The following SND1 variants were observed in gnomAD, a reference collection of about 807,000 sequenced individuals.
SND1 encodes staphylococcal nuclease and tudor domain containing 1, also known as staphylococcal nuclease domain-containing protein 1.
A neutral mutation model predicts 121.7 loss-of-function variants in SND1; 38 were observed. That is an observed-to-expected ratio of 0.31 (90% CI 0.24 to 0.41). The LOEUF is 0.41. SND1 is among the 10% of genes least tolerant of loss of function. The pLI, the probability that SND1 is intolerant of heterozygous loss-of-function variation, is 1.00. For synonymous variants in SND1, 401 were observed against 447.4 expected (o/e 0.90, Z 1.31); for missense variants, 868 against 1,184.6 (o/e 0.73, Z 3.92).
intron 16 of SND1, among the ~76,000 whole-genome samples, chr7:128,054,264 C>T (rs1009169734): frequency 7.9e-5 from 12 of 152,222 alleles, no homozygotes; most frequent in African/African-American, 1.7e-4. Context: ...CATCTCACCT[C>T]CTAAGGCAAA....
rs149627693 is a variant in SND1, at chr7:127,800,217, T to G, written c.1153-7267T>G. On this transcript the variant is annotated intron_variant, in intron 10 of 23. Coordinates refer to ENST00000354725, the MANE Select transcript of SND1 (RefSeq NM_014390.4). ...GGCAGGGCAACTGGGACTGGTCCAT[T>G]ATTTACTGTTTGAAATCTTACCCAT... Among the ~76,000 whole-genome samples, 48 of 152,362 alleles carry G rather than the reference T, an allele frequency of 3.2e-4. No homozygotes were observed. The East Asian group carries it at 8.7e-3, about 28-fold the overall frequency.
intron 15 of SND1, among the ~76,000 whole-genome samples, chr7:127,934,609 A>G (rs1017681817): frequency 2.6e-5 from 4 of 151,760 alleles, no homozygotes; most frequent in African/African-American, 4.8e-5. Context: ...TTTGGTCAGG[A>G]GTGGGGGGTG....
chr7:127,998,571 T>C (rs1361541470), intron 16 of SND1: 3 of 153,898 alleles, frequency 1.9e-5, no homozygotes, highest in Non-Finnish European at 4.3e-5. Flanking sequence ...AATTCCTGTT[T>C]GGAGACGGGC....
At chr7:128,073,394 G>T (rs1040277733) in intron 16 of SND1, among the ~76,000 whole-genome samples, 1 of 152,162 alleles carries the variant, frequency 6.6e-6, no homozygotes, top group Non-Finnish European at 1.5e-5. Flanking sequence ...GACGCAGAGG[G>T]TATTCAAGGA....
intron 12 of SND1, among the ~76,000 whole-genome samples, chr7:127,864,490 A>G (rs924576885): frequency 6.6e-6 from 1 of 151,876 alleles, no homozygotes; most frequent in Non-Finnish European, 1.5e-5. Flanking sequence ...TGATTCTCAT[A>G]TTTTGTTCAA....
At chr7:127,718,678 CAT>C (rs1199514100) in intron 9 of SND1, 1 of 985,220 alleles carries the variant, frequency 1.0e-6, no homozygotes, top group African/African-American at 1.7e-5. Context: ...TTGCTGCTAA[CAT>C]ATTACAAGGG....
chr7:127,741,587 G>GT (rs2116435353), intron 10 of SND1, among the ~76,000 whole-genome samples: 2 of 152,248 alleles, frequency 1.3e-5, no homozygotes, highest in African/African-American at 4.8e-5. Flanking sequence ...CTGTTGCTTG[G>GT]TGAGGTGCTT....
intron 16 of SND1, among the ~76,000 whole-genome samples, chr7:128,001,521 G>C (rs1341169940): frequency 6.6e-6 from 1 of 152,186 alleles, no homozygotes; most frequent in Non-Finnish European, 1.5e-5. Flanking sequence ...ATGTAAGGAG[G>C]GTACCTTCTC....
intron 15 of SND1, among the ~76,000 whole-genome samples, chr7:127,985,284 A>T (rs1434349958): frequency 6.6e-6 from 1 of 152,168 alleles, no homozygotes; most frequent in Non-Finnish European, 1.5e-5. Context: ...TCCTAGCCAT[A>T]CATGCACTTC....
intron 11 of SND1, among the ~76,000 whole-genome samples, chr7:127,842,111 G>A (rs1798976112): frequency 6.6e-6 from 1 of 152,158 alleles, no homozygotes; most frequent in Admixed American, 6.5e-5. Flanking sequence ...AGTTTTTGAA[G>A]AGAAGACAGT....
intron 10 of SND1, among the ~76,000 whole-genome samples, chr7:127,752,246 G>A (rs1587640483): frequency 6.6e-6 from 1 of 152,156 alleles, no homozygotes; most frequent in South Asian, 2.1e-4. Context: ...GGTGTCTTGT[G>A]GTTTCAAAAA....
intron 16 of SND1, among the ~76,000 whole-genome samples, chr7:128,024,361 A>G (rs1199333694): frequency 6.6e-6 from 1 of 152,152 alleles, no homozygotes; most frequent in Admixed American, 6.5e-5. Flanking sequence ...GAGGAGATAA[A>G]ATCAGACATA....
rs896276001 is a variant in SND1, at chr7:127,979,597, G to A, written c.1670-11350G>A. Among the ~76,000 whole-genome samples, 15 of 152,282 alleles carry A rather than the reference G, an allele frequency of 9.9e-5. No homozygotes were observed. In the East Asian group the frequency reaches 2.1e-3, roughly 22 times the overall value. On this transcript the variant is annotated intron_variant, in intron 15 of 23. Transcript: ENST00000354725. ...GATCAGAGCAGGTGATAGAGGCTAG[G>A]AGGGGGTTGTTTACTGAAACTAGGG...
chr7:127,921,068 G>A (rs1477659391), intron 14 of SND1, among the ~76,000 whole-genome samples: 1 of 152,176 alleles, frequency 6.6e-6, no homozygotes, highest in Non-Finnish European at 1.5e-5. Context: ...TATAGAATTT[G>A]TATTTGATTG....
chr7:127,751,616 A>T (rs1404177010), intron 10 of SND1, among the ~76,000 whole-genome samples: 1 of 152,232 alleles, frequency 6.6e-6, no homozygotes, highest in Non-Finnish European at 1.5e-5. Context: ...TTCTAGAGAG[A>T]CAGGCCTCAG....
In SND1 at chr7:127,707,452, A is replaced by T. The variant is rs571938593; in HGVS notation, c.948-105A>T. The stretch of plus-strand genomic sequence containing the variant: ...TTGACTGGTAGTCTTTCTTCTGGAT[A>T]CATCTATAGGGTAGAGTAGGATGCT... On this transcript the variant is annotated intron_variant, in intron 8 of 23. Transcript: ENST00000354725. 3.9e-6 allele frequency: 3 copies of T among 764,182 alleles called. No individual in the cohort carries two copies. The African/African-American group carries it at 5.2e-5, about 13-fold the overall frequency. The allele number at this position is 764,182 out of a possible 1,614,324, so 47.3% of individuals were successfully genotyped here.
At position 127,838,174 on chromosome 7, in the gene SND1, A is replaced by G. The variant is rs145508260; in HGVS notation, c.1243-6150A>G. Among the ~76,000 whole-genome samples, 95 of 152,286 alleles carry G rather than the reference A, an allele frequency of 6.2e-4. 2 individuals are homozygous for G. In the East Asian group the frequency reaches 0.016, roughly 25 times the overall value. ...CAGGTGACCAGGGGTGACTCAAAGGACGGAGCAGGTGACCAGGGGAACAGA... is the reference window on the plus strand; with the variant it reads ...CAGGTGACCAGGGGTGACTCAAAGGGCGGAGCAGGTGACCAGGGGAACAGA... On this transcript the variant is annotated intron_variant, in intron 11 of 23. Transcript: ENST00000354725.
At chr7:127,957,576 G>A in intron 15 of SND1, among the ~76,000 whole-genome samples, 1 of 152,150 alleles carries the variant, frequency 6.6e-6, no homozygotes, top group East Asian at 1.9e-4. Flanking sequence ...TTATACCGTT[G>A]CCTTGCTAGC....
At chr7:127,923,576 A>T (rs1262332112) in intron 14 of SND1, among the ~76,000 whole-genome samples, 6 of 152,196 alleles carry the variant, frequency 3.9e-5, no homozygotes, top group African/African-American at 9.6e-5. Flanking sequence ...ATGCTGTATA[A>T]CTGGCTCTTC....
Sources: gnomAD v4.1 joint callset for allele counts (sites outside exome capture counted in the v4.1 genomes callset) on GRCh38, gnomAD v4.1.1 for gene constraint, MANE v1.5 for transcripts, NCBI Gene and HGNC (gene_info 2026-07-23, HGNC 2026-07-21) for gene names.